Variants in DIAPH3 observed in about 807,000 individuals in gnomAD.
DIAPH3 encodes the protein diaphanous related formin 3.
A neutral mutation model predicts 144.3 loss-of-function variants in DIAPH3; 117 were observed. The ratio of observed to expected loss-of-function variants is 0.81; its 90% CI spans 0.70 to 0.95. The LOEUF (loss-of-function observed/expected upper bound fraction) is 0.95, where lower values mean the gene tolerates loss of function less well. Among genes scored for constraint, DIAPH3 ranks in the 40% least tolerant of loss-of-function variants. DIAPH3 has a pLI of 0.00. For synonymous variants in DIAPH3, 519 were observed against 488.9 expected (o/e 1.06, Z -0.81); for missense variants, 1,421 against 1,412.7 (o/e 1.01, Z -0.09).
At chr13:59,785,710 G>A (rs528067028) in intron 25 of DIAPH3, among the ~76,000 whole-genome samples, 3 of 152,150 alleles carry the variant, frequency 2.0e-5, no homozygotes, top group African/African-American at 7.2e-5. Context: ...CTTCCACAGA[G>A]GCTAGGAAAG....
intron 22 of DIAPH3, among the ~76,000 whole-genome samples, chr13:59,847,774 G>A (rs2042729859): frequency 6.6e-6 from 1 of 152,094 alleles, no homozygotes; most frequent in African/African-American, 2.4e-5. Context: ...TGCTGCTATT[G>A]GAGACCAGGT....
At chr13:59,711,978 A>G (rs1239072218) in intron 27 of DIAPH3, among the ~76,000 whole-genome samples, 2 of 152,224 alleles carry the variant, frequency 1.3e-5, no homozygotes, top group East Asian at 1.9e-4. Flanking sequence ...TATACTAGAC[A>G]TTATCCAACT....
chr13:59,996,535 G>A (rs774305314), intron 9 of DIAPH3, among the ~76,000 whole-genome samples: 3 of 151,996 alleles, frequency 2.0e-5, no homozygotes, highest in Non-Finnish European at 4.4e-5. Flanking sequence ...CCTTAGGGCA[G>A]CAGTAAACTA....
intron 27 of DIAPH3, among the ~76,000 whole-genome samples, chr13:59,672,024 G>C (rs373802019): frequency 3.9e-4 from 60 of 152,300 alleles, no homozygotes; most frequent in African/African-American, 1.3e-3. Context: ...AAAAGACACA[G>C]GAAACTGGGA....
intron 17 of DIAPH3, among the ~76,000 whole-genome samples, chr13:59,952,996 T>C (rs1011905942): frequency 1.3e-5 from 2 of 152,004 alleles, no homozygotes; most frequent in Admixed American, 6.6e-5. Flanking sequence ...ATACCGAATA[T>C]ATAAGTAGCT....
intron 1 of DIAPH3, among the ~76,000 whole-genome samples, chr13:60,145,483 TA>T (rs533107807): frequency 3.3e-5 from 5 of 151,888 alleles, no homozygotes; most frequent in African/African-American, 9.6e-5. Context: ...CCGTCTCTAC[TA>T]AAAAAAATAC....
intron 27 of DIAPH3, among the ~76,000 whole-genome samples, chr13:59,728,778 T>C (rs768040261): frequency 6.6e-6 from 1 of 152,158 alleles, no homozygotes; most frequent in Non-Finnish European, 1.5e-5. Flanking sequence ...TATTGATATT[T>C]AATGGAAAAA....
chr13:59,910,384 GAGTAAAA>G (rs1174227375), intron 20 of DIAPH3, among the ~76,000 whole-genome samples: 1 of 152,042 alleles, frequency 6.6e-6, no homozygotes, highest in Non-Finnish European at 1.5e-5. Context: ...TGAAGAATTG[GAGTAAAA>G]AGTAAAAACT....
At chr13:59,885,075 A>C (rs1214475126) in intron 20 of DIAPH3, among the ~76,000 whole-genome samples, 1 of 152,170 alleles carries the variant, frequency 6.6e-6, no homozygotes, top group Non-Finnish European at 1.5e-5. Flanking sequence ...CTTTGTTTAT[A>C]AATCCTTATC....
At chr13:59,922,420 T>G (rs536065833) in intron 18 of DIAPH3, among the ~76,000 whole-genome samples, 2 of 152,208 alleles carry the variant, frequency 1.3e-5, no homozygotes, top group East Asian at 3.9e-4. Flanking sequence ...GAATGACTTT[T>G]AGATTCTTTC....
chr13:59,774,754 C>T lies in DIAPH3; in HGVS notation c.3233G>A (p.Arg1078Lys). 1 of 1,614,160 alleles carries T rather than the reference C, an allele frequency of 6.2e-7. No homozygotes were observed. Among genetic ancestry groups the T allele is most frequent in the Non-Finnish European group, 8.5e-7 (1 of 1,180,014 alleles). Residue 1078 changes from arginine to lysine, a missense_variant, in exon 26 of 28, where the codon AGA (arginine) becomes AAA (lysine). Coordinates refer to ENST00000400324, the MANE Select transcript of DIAPH3 (RefSeq NM_001042517.2). ...TTTTGGCATCGGTGTCCTTTTTCTT[C>T]TGTCGCGGAAGGCAGCCCCGGACTG... ...ALQSGAAFRD[R>K]RKRTPMPKDV...
At chr13:60,022,456 T>C (rs2054093579) in intron 5 of DIAPH3, among the ~76,000 whole-genome samples, 1 of 152,184 alleles carries the variant, frequency 6.6e-6, no homozygotes, top group Admixed American at 6.5e-5. Flanking sequence ...TGCAGGAAAC[T>C]GAGGAGTTTA....
intron 4 of DIAPH3, among the ~76,000 whole-genome samples, chr13:60,066,974 T>C (rs1446113285): frequency 2.0e-5 from 3 of 152,336 alleles, no homozygotes; most frequent in Middle Eastern, 3.4e-3. Flanking sequence ...TTCGAAATTA[T>C]ATTTTTCAAA....
chr13:59,904,871 A>G (rs2046641416), intron 20 of DIAPH3, among the ~76,000 whole-genome samples: 1 of 152,186 alleles, frequency 6.6e-6, no homozygotes, highest in Non-Finnish European at 1.5e-5. Context: ...AAAATAAACA[A>G]TATTAATAGG....
chr13:59,856,910 A>G (rs912610370), intron 22 of DIAPH3, among the ~76,000 whole-genome samples: 4 of 152,100 alleles, frequency 2.6e-5, no homozygotes, highest in African/African-American at 4.8e-5. Context: ...AAAAAAAAAA[A>G]AAAAGTGTCT....
intron 27 of DIAPH3, among the ~76,000 whole-genome samples, chr13:59,770,869 T>C (rs962094098): frequency 8.5e-5 from 13 of 152,160 alleles, no homozygotes; most frequent in African/African-American, 2.9e-4. Flanking sequence ...TAGCAACAGC[T>C]TAATAAATTT....
intron 15 of DIAPH3, among the ~76,000 whole-genome samples, chr13:59,971,373 C>A (rs1807590852): frequency 6.6e-6 from 1 of 151,934 alleles, no homozygotes; most frequent in East Asian, 1.9e-4. Flanking sequence ...AACATAATTG[C>A]CAGAAGTATA....
At chr13:60,000,963 A>G (rs141457861) in intron 9 of DIAPH3, among the ~76,000 whole-genome samples, 97 of 152,312 alleles carry the variant, frequency 6.4e-4, no homozygotes, top group African/African-American at 2.2e-3. Flanking sequence ...AGCCAAGGTG[A>G]CACTAGGAGA....
intron 19 of DIAPH3, 94 bp from the exon 20 acceptor site, chr13:59,911,930 A>G (rs2047014467): frequency 4.0e-6 from 4 of 1,009,522 alleles, no homozygotes; most frequent in Non-Finnish European, 4.5e-6. Flanking sequence ...AAACCAGTGA[A>G]GTTAATCTTC....
Sources: allele counts gnomAD v4.1 joint callset (sites outside exome capture counted in the v4.1 genomes callset), GRCh38; gene constraint gnomAD v4.1.1; transcripts MANE v1.5; gene names NCBI Gene and HGNC (gene_info 2026-07-23, HGNC 2026-07-21).